Variants in BFSP1 observed in about 807,000 individuals in gnomAD.
BFSP1 encodes the protein beaded filament structural protein 1.
Under a neutral mutation model 43.9 loss-of-function variants are expected in BFSP1, and 38 were observed. That is an observed-to-expected ratio of 0.87 (90% CI 0.67 to 1.14). The LOEUF is 1.14. Ranked by LOEUF, BFSP1 falls within the 50% of genes most tolerant of loss-of-function variation. BFSP1 has a pLI of 0.00. For synonymous variants in BFSP1, 352 were observed against 354.8 expected (o/e 0.99, Z 0.09); for missense variants, 850 against 875.1 (o/e 0.97, Z 0.36).
chr20:17,512,174 A>G (rs2034099273), intron 3 of BFSP1, 106 bp from the exon 4 acceptor site: 1 of 808,036 alleles, frequency 1.2e-6, no homozygotes, highest in African/African-American at 1.7e-5. Flanking sequence ...CTCCCTCATC[A>G]CAGACAGGAC....
At chr20:17,537,060 A>C (rs1568708985) in intron 1 of BFSP1, among the ~76,000 whole-genome samples, 1 of 152,068 alleles carries the variant, frequency 6.6e-6, no homozygotes, top group Admixed American at 6.5e-5. Flanking sequence ...CTGCTCTAAC[A>C]CTCTGACTCT....
chr20:17,518,712 A>C (rs1172723731), intron 2 of BFSP1, among the ~76,000 whole-genome samples: 1 of 152,212 alleles, frequency 6.6e-6, no homozygotes, highest in African/African-American at 2.4e-5. Flanking sequence ...TCATTTGTAA[A>C]ATACCAGCCA....
intron 6 of BFSP1, among the ~76,000 whole-genome samples, chr20:17,497,334 T>C (rs2033658030): frequency 6.6e-6 from 1 of 151,916 alleles, no homozygotes; most frequent in Non-Finnish European, 1.5e-5. Flanking sequence ...TTTTTGCCTT[T>C]TGTTTTTTTG....
intron 1 of BFSP1, among the ~76,000 whole-genome samples, chr20:17,556,800 G>T (rs983406335): frequency 6.6e-6 from 1 of 151,974 alleles, no homozygotes; most frequent in African/African-American, 2.4e-5. Context: ...TAAATATGTG[G>T]CAGGAAAATT....
At chr20:17,532,844 A>G (rs1215352253), upstream of BFSP1, among the ~76,000 whole-genome samples, 7 of 152,350 alleles carry the variant, frequency 4.6e-5, no homozygotes, top group East Asian at 1.3e-3. Context: ...GTAGTACCAT[A>G]TAATTACTAA....
chr20:17,526,075 C>T (rs1013812004), intron 1 of BFSP1, among the ~76,000 whole-genome samples: 4 of 123,324 alleles, frequency 3.2e-5, no homozygotes, highest in Non-Finnish European at 6.2e-5. Flanking sequence ...AAGTGAGAAA[C>T]ATTTTGGATA....
chr20:17,502,144 T>C (rs998989106), intron 5 of BFSP1, among the ~76,000 whole-genome samples: 4 of 151,708 alleles, frequency 2.6e-5, no homozygotes, highest in African/African-American at 9.7e-5. Flanking sequence ...CTCTCAGATT[T>C]CATGCCCTGC....
intron 1 of BFSP1, among the ~76,000 whole-genome samples, chr20:17,538,367 T>C (rs2034664022): frequency 6.6e-6 from 1 of 152,200 alleles, no homozygotes; most frequent in South Asian, 2.1e-4. Flanking sequence ...GTAAGAGGTA[T>C]AGAAGTTCCT....
chr20:17,498,360 C>T (rs1042629601), intron 6 of BFSP1, among the ~76,000 whole-genome samples: 1 of 152,188 alleles, frequency 6.6e-6, no homozygotes, highest in Non-Finnish European at 1.5e-5. Flanking sequence ...ACTGACTCAG[C>T]AAGGTGCTAA....
chr20:17,498,809 C>T lies in BFSP1; in HGVS notation c.956+11G>A, dbSNP rs1190368943. 1 of 1,610,730 alleles carries T rather than the reference C, an allele frequency of 6.2e-7. No homozygotes were observed. The highest frequency in any genetic ancestry group is 8.5e-7 in the Non-Finnish European group (1 of 1,179,200). ...GAATAAGTGGCCTGGATGGGGAGGG[C>T]ACACGCTCACCTGTTGCCTTCAATC... On this transcript the variant is annotated intron_variant, in intron 6 of 7. Coordinates refer to ENST00000377873, the MANE Select transcript of BFSP1 (RefSeq NM_001195.5).
intron 1 of BFSP1, among the ~76,000 whole-genome samples, chr20:17,548,286 A>C (rs1221085575): frequency 2.6e-5 from 4 of 151,934 alleles, no homozygotes; most frequent in African/African-American, 9.7e-5. Flanking sequence ...CATTTTTATT[A>C]AAAACAAATT....
chr20:17,504,091 G>C (rs13037434), intron 5 of BFSP1, among the ~76,000 whole-genome samples: 23,012 of 152,076 alleles, frequency 0.15, 2,057 homozygotes, highest in Middle Eastern at 0.21. Context: ...TTTGAAGAAG[G>C]CTGCATGTTT....
chr20:17,538,344 T>G (rs1273793370), intron 1 of BFSP1, among the ~76,000 whole-genome samples: 1 of 152,174 alleles, frequency 6.6e-6, no homozygotes, highest in African/African-American at 2.4e-5. Flanking sequence ...AAGCAAATGA[T>G]TGGTGGATTT....
chr20:17,547,891 C>T (rs548789264), intron 1 of BFSP1, among the ~76,000 whole-genome samples: 12 of 135,184 alleles, frequency 8.9e-5, no homozygotes, highest in South Asian at 7.4e-4. Flanking sequence ...CCACCATGCC[C>T]GGCCAATTTT....
intron 5 of BFSP1, among the ~76,000 whole-genome samples, chr20:17,503,745 A>G (rs1490731302): frequency 6.6e-6 from 1 of 152,112 alleles, no homozygotes; most frequent in Non-Finnish European, 1.5e-5. Context: ...GCGTGCACAC[A>G]CACACACTCT....
At chr20:17,519,307 G>A (rs1277800268) in intron 2 of BFSP1, among the ~76,000 whole-genome samples, 1 of 152,208 alleles carries the variant, frequency 6.6e-6, no homozygotes, top group Non-Finnish European at 1.5e-5. Flanking sequence ...TTTGAACAAA[G>A]CAGTCCATGG....
At position 17,494,259 on chromosome 20, in the gene BFSP1, T is replaced by C; in HGVS notation, c.1813A>G (p.Ser605Gly). 6.2e-7 allele frequency: 1 copy of C among 1,614,166 alleles called. No homozygotes were observed. Among genetic ancestry groups the C allele is most frequent in the South Asian group, 1.1e-5 (1 of 91,088 alleles). The change falls in exon 8 of 8, where the codon AGC (serine) becomes GGC (glycine). Residue 605 changes from serine to glycine, a missense_variant. Transcript: ENST00000377873. ...GGGCCTTTTTCTGGCAGGCTTCTGC[T>C]CCTAGTCCCAAGCACCTCAGCTCCA... ...QDGAEVLGTR[S>G]RSLPEKGPPK... is the part of the protein sequence containing the mutation.
In BFSP1 at chr20:17,511,887, C is replaced by T; in HGVS notation, c.627+89G>A. On this transcript the variant is annotated intron_variant, in intron 4 of 7. Coordinates refer to ENST00000377873, the MANE Select transcript of BFSP1 (RefSeq NM_001195.5). ...GGGAGTGGACCCTGGTGGCCGCCCT[C>T]ACAGTCCAACCTGTGAGCCCTTCCC... The T allele has an allele frequency of 1.6e-6, 2 of 1,218,578 alleles. 1 individual carries two copies. Among genetic ancestry groups the T allele is most frequent in the South Asian group, 2.7e-5 (2 of 73,442 alleles). 75.5% of individuals were successfully genotyped at this position (1,218,578 alleles called of 1,614,324 possible).
At chr20:17,504,578 C>G (rs749929147) in intron 5 of BFSP1, among the ~76,000 whole-genome samples, 36 of 152,052 alleles carry the variant, frequency 2.4e-4, no homozygotes, top group Non-Finnish European at 4.6e-4. Flanking sequence ...TCCTGGGAAC[C>G]GAGGAAGGAA....
Sources: gnomAD v4.1 joint callset for allele counts (sites outside exome capture counted in the v4.1 genomes callset) on GRCh38, gnomAD v4.1.1 for gene constraint, MANE v1.5 for transcripts, NCBI Gene and HGNC (gene_info 2026-07-23, HGNC 2026-07-21) for gene names.